The following SEMA3A variants were observed in gnomAD, a reference collection of about 807,000 sequenced individuals.
SEMA3A encodes the protein semaphorin-3A.
SEMA3A carries 29 observed loss-of-function variants against 97.9 expected under a neutral mutation model. That is an observed-to-expected ratio of 0.30 (90% CI 0.22 to 0.40). The LOEUF is 0.40. SEMA3A is among the 10% of genes least tolerant of loss of function. SEMA3A has a pLI of 1.00. For missense variants in SEMA3A, 763 were observed against 951.3 expected, an observed-to-expected ratio of 0.80 and a Z score of 2.60; for synonymous variants, 321 against 323.7, an observed-to-expected ratio of 0.99 and a Z score of 0.09.
chr7:84,256,370 T>G (rs888656002), intron 3 of SEMA3A, among the ~76,000 whole-genome samples: 1 of 152,190 alleles, frequency 6.6e-6, no homozygotes, highest in Non-Finnish European at 1.5e-5. Context: ...TAAAGCTCTA[T>G]TGAAGTGCAT....
intron 1 of SEMA3A, among the ~76,000 whole-genome samples, chr7:84,482,697 G>A (rs915886032): frequency 6.6e-6 from 1 of 152,074 alleles, no homozygotes; most frequent in Non-Finnish European, 1.5e-5. Flanking sequence ...TGGCATTATT[G>A]TTGTGGCCAC....
rs10531036 is a variant in SEMA3A, at chr7:84,477,073, A to AATAT, written c.-246+15383_-246+15386dup. On this transcript the variant is annotated intron_variant, in intron 1 of 3. Coordinates refer to the SEMA3A transcript ENST00000424555. The stretch of plus-strand genomic sequence containing the variant: ...TGCCATGTGTTTGTTAAAAAAAAAA[A>AATAT]ATATATATATATATATATATTTTTC... Among the ~76,000 whole-genome samples the AATAT allele has an allele frequency of 2.6e-3, 360 of 140,552 alleles. 1 individual carries two copies. The highest frequency in any genetic ancestry group is 6.5e-3 in the African/African-American group (245 of 37,644). The allele number at this position is 140,552 out of a possible 152,430, so 92.2% of individuals were successfully genotyped here. A position where few individuals can be genotyped will look rare whatever the true frequency, so the allele number is the denominator to read the frequency against.
intron 12 of SEMA3A, among the ~76,000 whole-genome samples, chr7:83,987,566 A>G (rs1789689735): frequency 6.6e-6 from 1 of 152,110 alleles, no homozygotes; most frequent in South Asian, 2.1e-4. Flanking sequence ...CTCCCCCTCA[A>G]TTTGGGACAG....
intron 3 of SEMA3A, among the ~76,000 whole-genome samples, chr7:84,264,936 GTCTCCAC>G (rs554148225): frequency 2.6e-5 from 4 of 152,104 alleles, no homozygotes; most frequent in Admixed American, 2.6e-4. Context: ...TTCTTGTGTG[GTCTCCAC>G]TTTGAGTTTC....
chr7:84,253,687 G>A (rs556392055), intron 3 of SEMA3A, among the ~76,000 whole-genome samples: 1 of 152,248 alleles, frequency 6.6e-6, no homozygotes, highest in South Asian at 2.1e-4. Context: ...TATCTTGGAA[G>A]GAGGGATAGA....
At chr7:84,262,528 C>A (rs1799883084) in intron 3 of SEMA3A, among the ~76,000 whole-genome samples, 1 of 152,116 alleles carries the variant, frequency 6.6e-6, no homozygotes, top group South Asian at 2.1e-4. Context: ...TATTTTCAAT[C>A]ATACTAATAT....
In SEMA3A at chr7:83,993,906, A is replaced by C. The variant is rs912112690; in HGVS notation, c.1452+8049T>G. 6.8e-4 allele frequency among the ~76,000 whole-genome samples: 82 copies of C among 121,198 alleles called. 1 individual carries two copies. Among genetic ancestry groups the C allele is most frequent in the African/African-American group, 2.6e-3 (80 of 31,350 alleles). The allele number at this position is 121,198 out of a possible 152,430, so 79.5% of individuals were successfully genotyped here. A position where few individuals can be genotyped will look rare whatever the true frequency, so the allele number is the denominator to read the frequency against. On this transcript the variant is annotated intron_variant, in intron 12 of 16. Coordinates refer to ENST00000265362, the MANE Select transcript of SEMA3A (RefSeq NM_006080.3). ...AGTTCTCCTGGATAATATCCTGCAG[A>C]GTGTTTTCCAACTTGGTTCCATTCT...
intron 1 of SEMA3A, among the ~76,000 whole-genome samples, chr7:84,447,427 G>A (rs547818458): frequency 5.4e-4 from 82 of 152,272 alleles, no homozygotes; most frequent in Non-Finnish European, 1.5e-5. Context: ...CCCACACAGA[G>A]TGAGAACTTG....
At chr7:84,480,218 T>C (rs1806408363) in intron 1 of SEMA3A, among the ~76,000 whole-genome samples, 1 of 152,220 alleles carries the variant, frequency 6.6e-6, no homozygotes, top group African/African-American at 2.4e-5. Flanking sequence ...CTTGTTTGTT[T>C]TTTTGTTTTA....
intron 12 of SEMA3A, among the ~76,000 whole-genome samples, chr7:83,994,766 T>A (rs1790133793): frequency 6.6e-6 from 1 of 151,490 alleles, no homozygotes; most frequent in African/African-American, 2.4e-5. Flanking sequence ...CTGCTGTCTT[T>A]TTGTTTGTCT....
At position 83,986,109 on chromosome 7, in the gene SEMA3A, T is replaced by C. The variant is rs532343656; in HGVS notation, c.1453-632A>G. Among the ~76,000 whole-genome samples the C allele has an allele frequency of 5.3e-5, 8 of 152,276 alleles. No individual in the cohort carries two copies. The South Asian group carries it at 1.0e-3, about 20-fold the overall frequency. On this transcript the variant is annotated intron_variant, in intron 12 of 16. Transcript: ENST00000265362. ...GGTCTCAGAGTGGTCCTTTCTGATG[T>C]TGGTATTCTGCGAAAATTGTTCTGT...
chr7:84,280,545 A>G (rs770471501), intron 3 of SEMA3A, among the ~76,000 whole-genome samples: 18 of 152,052 alleles, frequency 1.2e-4, no homozygotes, highest in Non-Finnish European at 2.1e-4. Context: ...GCACTTTCGG[A>G]GGTAGAGGTG....
chr7:84,363,288 T>C (rs920473653), intron 2 of SEMA3A, among the ~76,000 whole-genome samples: 12 of 151,952 alleles, frequency 7.9e-5, no homozygotes, highest in African/African-American at 4.8e-5. Context: ...ATAGAAATCC[T>C]GAGAGAAAAC....
chr7:84,037,601 C>T (rs1324291071), intron 6 of SEMA3A, among the ~76,000 whole-genome samples: 1 of 151,944 alleles, frequency 6.6e-6, no homozygotes, highest in Non-Finnish European at 1.5e-5. Context: ...TGCTATTAGC[C>T]TACGTTAAAT....
chr7:84,151,784 G>A (rs954880353), intron 1 of SEMA3A, among the ~76,000 whole-genome samples: 11 of 151,956 alleles, frequency 7.2e-5, no homozygotes, highest in Admixed American at 3.3e-4. Flanking sequence ...GAAAATTTTC[G>A]CAACCTACTC....
intron 3 of SEMA3A, among the ~76,000 whole-genome samples, chr7:84,231,883 A>C (rs1181260274): frequency 6.6e-6 from 1 of 151,914 alleles, no homozygotes; most frequent in Non-Finnish European, 1.5e-5. Context: ...GGAAACAGAA[A>C]AATAACTCCC....
chr7:84,302,351 T>G (rs117099093), intron 3 of SEMA3A, among the ~76,000 whole-genome samples: 4,285 of 152,254 alleles, frequency 0.028, 86 homozygotes, highest in Non-Finnish European at 0.041. Flanking sequence ...CCCATTAAAA[T>G]AGATGAAGTT....
chr7:84,155,080 A>T (rs2116141233), intron 1 of SEMA3A, among the ~76,000 whole-genome samples: 1 of 152,174 alleles, frequency 6.6e-6, no homozygotes. Context: ...TGTGTGCAAG[A>T]TATTGCATTT....
intron 1 of SEMA3A, among the ~76,000 whole-genome samples, chr7:84,161,238 C>T (rs1285951559): frequency 4.0e-5 from 6 of 151,618 alleles, no homozygotes; most frequent in East Asian, 3.9e-4. Context: ...GTGGCGGGCT[C>T]CTGTAATCCC....
Sources: allele counts gnomAD v4.1 joint callset (sites outside exome capture counted in the v4.1 genomes callset), GRCh38; gene constraint gnomAD v4.1.1; transcripts MANE v1.5; gene names NCBI Gene and HGNC (gene_info 2026-07-23, HGNC 2026-07-21).